PTPRN2: variants seen among roughly 807,000 people sequenced by gnomAD.
The protein encoded by PTPRN2 is protein tyrosine phosphatase receptor type N2.
PTPRN2 carries 74 observed loss-of-function variants against 118.8 expected under a neutral mutation model. That is an observed-to-expected ratio of 0.62 (90% CI 0.52 to 0.76). The LOEUF is 0.76. Among genes scored for constraint, PTPRN2 ranks in the 30% least tolerant of loss-of-function variants. The pLI is 0.00. For synonymous variants in PTPRN2, 641 were observed against 608.0 expected (o/e 1.05, Z -0.80); for missense variants, 1,481 against 1,394.4 (o/e 1.06, Z -0.99).
At chr7:157,969,380 G>T (rs1027987914) in intron 11 of PTPRN2, among the ~76,000 whole-genome samples, 1 of 152,170 alleles carries the variant, frequency 6.6e-6, no homozygotes, top group African/African-American at 2.4e-5. Context: ...AATGTGCTGG[G>T]ATTACAGGCA....
intron 3 of PTPRN2, among the ~76,000 whole-genome samples, chr7:158,278,385 C>T (rs968091867): frequency 2.1e-5 from 3 of 146,318 alleles, no homozygotes; most frequent in Middle Eastern, 3.4e-3. Flanking sequence ...TGAAGGTGGG[C>T]ACCTGTAATC....
chr7:157,853,980 A>G (rs1426960138), intron 12 of PTPRN2, among the ~76,000 whole-genome samples: 1 of 152,204 alleles, frequency 6.6e-6, no homozygotes, highest in African/African-American at 2.4e-5. Context: ...CCACAAGCCG[A>G]GGAGAGAGAT....
chr7:157,813,035 T>G lies in PTPRN2; in HGVS notation c.1788+85638A>C, dbSNP rs1361887663. 6.6e-6 allele frequency among the ~76,000 whole-genome samples: 1 copy of G among 152,104 alleles called. No homozygotes were observed. The highest frequency in any genetic ancestry group is 1.5e-5 in the Non-Finnish European group (1 of 68,036). ...TGAGCTTCTGTTAAAAAGAGATGAC[T>G]CGGTGACAAACAGGAGGACGGTGCT... On this transcript the variant is annotated intron_variant, in intron 12 of 22. Transcript: ENST00000389418. This position sits in a 1 kb window ranked among gnomAD's most constrained non-coding sequence, Gnocchi z 4.7.
intron 12 of PTPRN2, among the ~76,000 whole-genome samples, chr7:157,746,600 C>T (rs1002225155): frequency 1.3e-5 from 2 of 150,860 alleles, no homozygotes; most frequent in African/African-American, 4.9e-5. Flanking sequence ...GGCCTCCATA[C>T]ACCCCACAGT....
At chr7:158,302,951 A>G (rs180734998) in intron 3 of PTPRN2, among the ~76,000 whole-genome samples, 1 of 152,380 alleles carries the variant, frequency 6.6e-6, no homozygotes, top group Non-Finnish European at 1.5e-5. Flanking sequence ...TTTCTGTTAA[A>G]TGAAACAATG....
chr7:158,526,430 A>G lies in PTPRN2; in HGVS notation c.113-36645T>C, dbSNP rs1351912970. ...ACGGGGCACAGGCAACCACGTTCCC[A>G]CAAACACAGGGTCTGGAGGTCTCTC... On this transcript the variant is annotated intron_variant, in intron 1 of 22. Transcript: ENST00000389418. The surrounding 1 kb of genome is among the most constrained non-coding windows in gnomAD (Gnocchi z 5.2). Among the ~76,000 whole-genome samples the G allele has an allele frequency of 6.6e-6, 1 of 152,182 alleles. No homozygotes were observed. The highest frequency in any genetic ancestry group is 6.5e-5 in the Admixed American group (1 of 15,282).
chr7:157,750,023 ACT>A (rs1421028722), intron 12 of PTPRN2, among the ~76,000 whole-genome samples: 1 of 151,778 alleles, frequency 6.6e-6, no homozygotes, highest in Non-Finnish European at 1.5e-5. Context: ...TGTTCGGGTG[ACT>A]CTGAGGCCTG....
rs1421006344 is a variant in PTPRN2, at chr7:157,560,642, G to A, written c.2902+8260C>T. Reference sequence around the variant, plus strand: ...AGAAAATAAACAACACACAGCAGAGGAGGCCCTGCTCCTGCCCGACCGAAG... The same window carrying A: ...AGAAAATAAACAACACACAGCAGAGAAGGCCCTGCTCCTGCCCGACCGAAG... On this transcript the variant is annotated intron_variant, in intron 21 of 22. Coordinates refer to ENST00000389418, the MANE Select transcript of PTPRN2 (RefSeq NM_002847.5). The surrounding 1 kb of genome is among the most constrained non-coding windows in gnomAD (Gnocchi z 6.7). 6.6e-6 allele frequency among the ~76,000 whole-genome samples: 1 copy of A among 152,136 alleles called. No homozygotes were observed. The highest frequency in any genetic ancestry group is 1.5e-5 in the Non-Finnish European group (1 of 68,014).
At chr7:157,841,463 C>T (rs1469443347) in intron 12 of PTPRN2, among the ~76,000 whole-genome samples, 2 of 151,996 alleles carry the variant, frequency 1.3e-5, no homozygotes, top group African/African-American at 2.4e-5. Flanking sequence ...TCCTCCCCTT[C>T]CCACCCCACC....
intron 3 of PTPRN2, among the ~76,000 whole-genome samples, chr7:158,271,607 A>G (rs1461174107): frequency 1.3e-5 from 2 of 152,202 alleles, no homozygotes; most frequent in East Asian, 3.9e-4. Flanking sequence ...ATAAACGTTA[A>G]TAACTCACTT....
chr7:158,416,697 A>G (rs1042670070), intron 2 of PTPRN2, among the ~76,000 whole-genome samples: 1 of 152,234 alleles, frequency 6.6e-6, no homozygotes, highest in African/African-American at 2.4e-5. Flanking sequence ...GGAAACAGAC[A>G]GCCTGCTGGG....
At chr7:157,662,493 T>C (rs1031088493) in intron 13 of PTPRN2, among the ~76,000 whole-genome samples, 1 of 151,824 alleles carries the variant, frequency 6.6e-6, no homozygotes, top group Non-Finnish European at 1.5e-5. Context: ...CAACAGCACG[T>C]GTTGGGCGTT....
In PTPRN2 at chr7:158,037,042, G is replaced by T. The variant is rs1808130216; in HGVS notation, c.1723+44256C>A. On this transcript the variant is annotated intron_variant, in intron 11 of 22. Transcript: ENST00000389418. ...ATATAAGATTCCTTCAAAGATACAG[G>T]TCACAAGGTCAAAATACAAACCAAT... Among the ~76,000 whole-genome samples, 5 of 152,218 alleles carry T rather than the reference G, an allele frequency of 3.3e-5. No homozygotes were observed. In the South Asian group the frequency reaches 1.0e-3, roughly 32 times the overall value.
intron 12 of PTPRN2, among the ~76,000 whole-genome samples, chr7:157,765,983 CCCAT>C (rs1195278167): frequency 3.4e-5 from 5 of 149,098 alleles, no homozygotes; most frequent in African/African-American, 5.0e-5. Context: ...CACCCACACA[CCCAT>C]CCATCCATCC....
At chr7:158,496,196 C>G (rs1354113070) in intron 1 of PTPRN2, among the ~76,000 whole-genome samples, 2 of 90,530 alleles carry the variant, frequency 2.2e-5, no homozygotes, top group East Asian at 3.3e-4. Context: ...CCTGCAGTGT[C>G]CCCCTTCCCT....
rs59026233 is a variant in PTPRN2 at position 157,785,960 on chromosome 7, AC to A, written c.1789-103024del. Among the ~76,000 whole-genome samples the A allele has an allele frequency of 5.7e-3, 858 of 151,586 alleles. 18 individuals are homozygous for A. Among genetic ancestry groups the A allele is most frequent in the East Asian group, 0.047 (242 of 5,110 alleles). On this transcript the variant is annotated intron_variant, in intron 12 of 22. Coordinates refer to ENST00000389418, the MANE Select transcript of PTPRN2 (RefSeq NM_002847.5). The surrounding 1 kb of genome is among the most constrained non-coding windows in gnomAD (Gnocchi z 7.3). ...GGGCCGGGTGGGGATGGCTGCAGGG[AC>A]CCCCTGGGCCGGCTCTGGGTGCTGC...
chr7:158,071,729 C>CGTGGTGATGGAGGTGCTT (rs1811810437), intron 11 of PTPRN2, among the ~76,000 whole-genome samples: 2 of 98,136 alleles, frequency 2.0e-5, no homozygotes, highest in African/African-American at 1.4e-4. Context: ...TGGAGGTGCT[C>CGTGGTGATGGAGGTGCTT]GTGGTGGTGG....
At chr7:157,620,194 C>T (rs879286415) in intron 15 of PTPRN2, among the ~76,000 whole-genome samples, 8 of 152,140 alleles carry the variant, frequency 5.3e-5, no homozygotes, top group African/African-American at 1.9e-4. Context: ...TTCCTCCTGG[C>T]GGGTGGGTTT....
intron 2 of PTPRN2, among the ~76,000 whole-genome samples, chr7:158,359,985 G>A (rs1238204905): frequency 6.6e-6 from 1 of 152,052 alleles, no homozygotes; most frequent in African/African-American, 2.4e-5. Flanking sequence ...AGAGCAGCGT[G>A]TGAAGGGGAC....
Sources: gnomAD v4.1 joint callset for allele counts (sites outside exome capture counted in the v4.1 genomes callset) on GRCh38, gnomAD v4.1.1 for gene constraint, Gnocchi (gnomAD v3.1) non-coding constraint, MANE v1.5 for transcripts, NCBI Gene and HGNC (gene_info 2026-07-23, HGNC 2026-07-21) for gene names.